Variants in HTR1F observed in about 807,000 individuals in gnomAD.
HTR1F encodes the protein 5-hydroxytryptamine (serotonin) receptor 1F, G protein-coupled.
A neutral mutation model predicts 24.0 loss-of-function variants in HTR1F; 17 were observed. That is an observed-to-expected ratio of 0.71 (90% CI 0.48 to 1.06). The LOEUF (loss-of-function observed/expected upper bound fraction) is 1.06, where lower values mean the gene tolerates loss of function less well. Among genes scored for constraint, HTR1F ranks in the 50% least tolerant of loss-of-function variants. The pLI, the probability that HTR1F is intolerant of heterozygous loss-of-function variation, is 0.00. For missense variants in HTR1F, 391 were observed against 427.8 expected (o/e 0.91, Z 0.76); for synonymous variants, 186 against 156.8 (o/e 1.19, Z -1.39).
intron 2 of HTR1F, among the ~76,000 whole-genome samples, chr3:87,873,126 A>C (rs1357776046): frequency 1.4e-5 from 2 of 144,254 alleles, no homozygotes; most frequent in Admixed American, 1.4e-4. Context: ...ACACACACAC[A>C]CACACACAGA....
rs534254879 is a variant in HTR1F at position 87,953,236 on chromosome 3, C to A, written c.-42-37472C>A. ...ATTAAACTAAAAAGTTTCTGCACAG[C>A]AAAGAAAACAATCACCAGATTGAAG... On this transcript the variant is annotated intron_variant, in intron 2 of 2. Coordinates refer to ENST00000319595, the MANE Select transcript of HTR1F (RefSeq NM_001322209.2). Among the ~76,000 whole-genome samples the A allele has an allele frequency of 2.0e-5, 3 of 151,072 alleles. No individual in the cohort carries two copies. In the South Asian group the frequency reaches 6.3e-4, roughly 31 times the overall value.
chr3:87,906,157 T>C (rs1703663644), intron 2 of HTR1F, among the ~76,000 whole-genome samples: 1 of 152,088 alleles, frequency 6.6e-6, no homozygotes. Context: ...TAACTCAGGG[T>C]AAAAATACCA....
At chr3:87,946,662 C>T (rs1704716533) in intron 2 of HTR1F, among the ~76,000 whole-genome samples, 1 of 149,534 alleles carries the variant, frequency 6.7e-6, no homozygotes, top group South Asian at 2.1e-4. Context: ...CACTCTGTCA[C>T]CCAGGCTGGA....
chr3:87,813,154 A>G (rs1559591760), intron 1 of HTR1F, among the ~76,000 whole-genome samples: 1 of 152,200 alleles, frequency 6.6e-6, no homozygotes, highest in Non-Finnish European at 1.5e-5. Flanking sequence ...AACTACTAAC[A>G]ACTTGCACTG....
At chr3:87,905,249 G>T (rs765512772) in intron 2 of HTR1F, among the ~76,000 whole-genome samples, 1 of 151,886 alleles carries the variant, frequency 6.6e-6, no homozygotes, top group Non-Finnish European at 1.5e-5. Flanking sequence ...GTTCAAGGCT[G>T]CAGTGAGCTA....
intron 2 of HTR1F, among the ~76,000 whole-genome samples, chr3:87,919,009 T>A (rs1676021254): frequency 6.6e-6 from 1 of 152,100 alleles, no homozygotes; most frequent in Admixed American, 6.6e-5. Context: ...AACAGCGTGG[T>A]ACTGGTATAA....
chr3:87,931,982 C>G (rs1704285537), intron 2 of HTR1F, among the ~76,000 whole-genome samples: 1 of 152,002 alleles, frequency 6.6e-6, no homozygotes, highest in Non-Finnish European at 1.5e-5. Flanking sequence ...AATTTTCTCC[C>G]ATTCTGTAGG....
intron 2 of HTR1F, among the ~76,000 whole-genome samples, chr3:87,904,115 A>G (rs546770653): frequency 6.6e-6 from 1 of 152,232 alleles, no homozygotes; most frequent in African/African-American, 2.4e-5. Context: ...TAAGCATAAA[A>G]AAACGTTTAC....
chr3:87,825,552 T>C (rs1415798640), intron 2 of HTR1F, among the ~76,000 whole-genome samples: 2 of 152,180 alleles, frequency 1.3e-5, no homozygotes, highest in Non-Finnish European at 2.9e-5. Flanking sequence ...TCTCCTTCAT[T>C]TCATATATCC....
intron 2 of HTR1F, among the ~76,000 whole-genome samples, chr3:87,870,586 G>A (rs1186156902): frequency 6.6e-6 from 1 of 152,054 alleles, no homozygotes; most frequent in Non-Finnish European, 1.5e-5. Flanking sequence ...GAGAAAGAAA[G>A]GGGAACACAC....
At chr3:87,898,894 G>A (rs1463251418) in intron 2 of HTR1F, among the ~76,000 whole-genome samples, 1 of 151,950 alleles carries the variant, frequency 6.6e-6, no homozygotes, top group Non-Finnish European at 1.5e-5. Context: ...TTATTTCTGA[G>A]GCAAAACATT....
chr3:87,877,076 C>G (rs946302732), intron 2 of HTR1F, among the ~76,000 whole-genome samples: 1 of 151,976 alleles, frequency 6.6e-6, no homozygotes, highest in African/African-American at 2.4e-5. Context: ...TTCATAGGGT[C>G]ATTCTATTTA....
intron 2 of HTR1F, among the ~76,000 whole-genome samples, chr3:87,861,824 T>C (rs1029441465): frequency 2.6e-5 from 4 of 152,182 alleles, no homozygotes; most frequent in Non-Finnish European, 5.9e-5. Context: ...TTTGAAATAT[T>C]GTTAGACAAG....
At chr3:87,966,097 G>T (rs1705157007) in intron 2 of HTR1F, among the ~76,000 whole-genome samples, 1 of 152,114 alleles carries the variant, frequency 6.6e-6, no homozygotes, top group South Asian at 2.1e-4. Context: ...TTTGCAGGCT[G>T]GGAAGTCCAA....
chr3:87,885,806 T>C (rs1400223778), intron 2 of HTR1F, among the ~76,000 whole-genome samples: 1 of 152,160 alleles, frequency 6.6e-6, no homozygotes, highest in Admixed American at 6.6e-5. Context: ...GTTGAATCTC[T>C]GAATACACCA....
intron 2 of HTR1F, among the ~76,000 whole-genome samples, chr3:87,841,606 A>G (rs1704803944): frequency 6.6e-6 from 1 of 151,770 alleles, no homozygotes; most frequent in Non-Finnish European, 1.5e-5. Flanking sequence ...CTTAAAAACT[A>G]AACTAACATA....
chr3:87,933,968 T>C (rs1280238512), intron 2 of HTR1F, among the ~76,000 whole-genome samples: 1 of 152,196 alleles, frequency 6.6e-6, no homozygotes, highest in Admixed American at 6.5e-5. Context: ...TCATTTTCTA[T>C]ATTGCCACCT....
At position 87,842,759 on chromosome 3, in the gene HTR1F, A is replaced by G. The variant is rs1704837104; in HGVS notation, c.-43+20635A>G. Among the ~76,000 whole-genome samples, 4 of 151,970 alleles carry G rather than the reference A, an allele frequency of 2.6e-5. No homozygotes were observed. The East Asian group carries it at 7.7e-4, about 29-fold the overall frequency. Reference sequence around the variant, plus strand: ...ATTACAAACCAGAAAACTGTTTAAGACTTGCTTTTTATAAAACAACCTTTT... The same window carrying G: ...ATTACAAACCAGAAAACTGTTTAAGGCTTGCTTTTTATAAAACAACCTTTT... On this transcript the variant is annotated intron_variant, in intron 2 of 2. Coordinates refer to ENST00000319595, the MANE Select transcript of HTR1F (RefSeq NM_001322209.2).
chr3:87,799,332 C>T (rs1235741871), intron 1 of HTR1F, among the ~76,000 whole-genome samples: 1 of 152,072 alleles, frequency 6.6e-6, no homozygotes, highest in African/African-American at 2.4e-5. Flanking sequence ...TTCATACCTG[C>T]ATACAACAAT....
Sources: gnomAD v4.1 joint callset for allele counts (sites outside exome capture counted in the v4.1 genomes callset) on GRCh38, gnomAD v4.1.1 for gene constraint, MANE v1.5 for transcripts, NCBI Gene and HGNC (gene_info 2026-07-23, HGNC 2026-07-21) for gene names.